Variants in CHD6 observed in about 807,000 individuals in gnomAD.
CHD6 encodes the protein chromodomain helicase DNA binding protein 6.
A neutral mutation model predicts 276.9 loss-of-function variants in CHD6; 50 were observed. The observed-to-expected ratio is 0.18, with a 90% CI of 0.14 to 0.23. The LOEUF (loss-of-function observed/expected upper bound fraction) is 0.23, where lower values mean the gene tolerates loss of function less well. Ranked by LOEUF, CHD6 falls within the 10% of genes least tolerant of loss-of-function variation. The pLI is 1.00. For missense variants in CHD6, 2,564 were observed against 3,365.8 expected, an observed-to-expected ratio of 0.76 and a Z score of 5.89; for synonymous variants, 1,173 against 1,229.3, an observed-to-expected ratio of 0.95 and a Z score of 0.96.
chr20:41,571,169 T>C (rs970984816), intron 1 of CHD6, among the ~76,000 whole-genome samples: 19 of 151,988 alleles, frequency 1.3e-4, no homozygotes, highest in Non-Finnish European at 7.4e-5. Flanking sequence ...GGATATATCA[T>C]GACAAAGATA....
In CHD6 at chr20:41,446,075, T is replaced by C. The variant is rs183819266; in HGVS notation, c.3774-307A>G. Among the ~76,000 whole-genome samples the C allele has an allele frequency of 9.5e-4, 145 of 152,348 alleles. 1 individual carries two copies. Among genetic ancestry groups the C allele is most frequent in the Non-Finnish European group, 1.7e-3 (119 of 68,026 alleles). On this transcript the variant is annotated intron_variant, in intron 24 of 36. Transcript: ENST00000373233. ...CTTGGGATCCATATGTATAGAGTTC[T>C]AATGTGCACCTTATGTGAACCACAG...
At chr20:41,425,724 T>A (rs1217558647) in intron 28 of CHD6, among the ~76,000 whole-genome samples, 1 of 151,720 alleles carries the variant, frequency 6.6e-6, no homozygotes, top group East Asian at 1.9e-4. Context: ...AAAGCTCCTC[T>A]CACGTCTGAA....
chr20:41,429,212 T>C (rs2145522546), intron 27 of CHD6, among the ~76,000 whole-genome samples: 1 of 152,360 alleles, frequency 6.6e-6, no homozygotes, highest in Non-Finnish European at 1.5e-5. Flanking sequence ...TGTTAAAAGA[T>C]GTGTTACTCT....
intron 26 of CHD6, among the ~76,000 whole-genome samples, chr20:41,439,098 C>T (rs2047813790): frequency 1.3e-5 from 2 of 152,284 alleles, no homozygotes; most frequent in South Asian, 4.2e-4. Flanking sequence ...TGGCTCACGC[C>T]TGTAATCCCA....
intron 1 of CHD6, among the ~76,000 whole-genome samples, chr20:41,571,725 T>A (rs1451566933): frequency 6.6e-6 from 1 of 152,148 alleles, no homozygotes; most frequent in Non-Finnish European, 1.5e-5. Flanking sequence ...TGAGATACCC[T>A]GGATTATATT....
intron 16 of CHD6, among the ~76,000 whole-genome samples, chr20:41,477,011 A>G (rs1288011426): frequency 1.3e-5 from 2 of 152,000 alleles, no homozygotes; most frequent in Non-Finnish European, 2.9e-5. Flanking sequence ...CCAAGGCGGG[A>G]GGATGACTTG....
Position 41,582,124 on chromosome 20 carries a change from C to T in CHD6, c.-23-30764G>A, listed in dbSNP as rs77596928. ...ACTAAAAATCATTAAATAATCTCAA[C>T]TCAATTCAATTACTTAAAAAAAAAA... On this transcript the variant is annotated intron_variant, in intron 1 of 36. Transcript: ENST00000373233. Among the ~76,000 whole-genome samples, 48 of 152,106 alleles carry T rather than the reference C, an allele frequency of 3.2e-4. No homozygotes were observed. In the East Asian group the frequency reaches 9.3e-3, roughly 29 times the overall value.
At chr20:41,550,813 A>C (rs1269612409) in intron 2 of CHD6, among the ~76,000 whole-genome samples, 1 of 152,112 alleles carries the variant, frequency 6.6e-6, no homozygotes, top group Non-Finnish European at 1.5e-5. Context: ...TCTCCATCCC[A>C]CACGCCCTTC....
intron 28 of CHD6, 76 bp from the exon 29 acceptor site, chr20:41,425,470 A>C: frequency 1.5e-6 from 2 of 1,359,868 alleles, no homozygotes; most frequent in Non-Finnish European, 2.0e-6. Context: ...GTTTTGTTTA[A>C]ATAAAAACAA....
intron 3 of CHD6, among the ~76,000 whole-genome samples, chr20:41,525,369 A>T (rs1192290356): frequency 6.6e-6 from 1 of 152,160 alleles, no homozygotes; most frequent in Non-Finnish European, 1.5e-5. Context: ...TCCCTTAATC[A>T]GCCACCTCCG....
At chr20:41,555,217 G>T (rs1180532675) in intron 1 of CHD6, among the ~76,000 whole-genome samples, 1 of 134,958 alleles carries the variant, frequency 7.4e-6, no homozygotes, top group South Asian at 2.4e-4. Context: ...CGGATGGGGC[G>T]GCTGGCCGGG....
chr20:41,598,901 G>C (rs937191582), intron 1 of CHD6, among the ~76,000 whole-genome samples: 1 of 152,124 alleles, frequency 6.6e-6, no homozygotes, highest in Admixed American at 6.5e-5. Context: ...ATCCCACCCT[G>C]GCATTTCGTC....
At chr20:41,434,333 T>C (rs2047637009) in intron 27 of CHD6, among the ~76,000 whole-genome samples, 1 of 152,210 alleles carries the variant, frequency 6.6e-6, no homozygotes, top group Admixed American at 6.5e-5. Context: ...AGACATTATA[T>C]AGTGATAACA....
Position 41,454,775 on chromosome 20 carries a change from A to G in CHD6, c.3010-39T>C, listed in dbSNP as rs192555690. On this transcript the variant is annotated intron_variant, in intron 19 of 36. Transcript: ENST00000373233. ...AAGAATTAATAAACTGTGCTTGAACACAATACAAACTAATAAAACACCAGT... is the reference window on the plus strand; with the variant it reads ...AAGAATTAATAAACTGTGCTTGAACGCAATACAAACTAATAAAACACCAGT... The G allele has an allele frequency of 1.7e-5, 24 of 1,400,872 alleles. No individual in the cohort carries two copies. The Admixed American group carries it at 4.1e-4, about 24-fold the overall frequency. The allele number at this position is 1,400,872 out of a possible 1,614,324, so 86.8% of individuals were successfully genotyped here.
chr20:41,561,967 A>C (rs2146187040), intron 1 of CHD6, among the ~76,000 whole-genome samples: 1 of 152,282 alleles, frequency 6.6e-6, no homozygotes, highest in South Asian at 2.1e-4. Context: ...GGAAACTGTC[A>C]GATTTTTCAG....
In CHD6 at chr20:41,575,763, G is replaced by A. The variant is rs1461181410; in HGVS notation, c.-23-24403C>T. ...TTCATTGTATGGTTTGTCCCTCCGA[G>A]GAGCTGGTCACCTCACTCAACAACC... is the stretch of plus-strand genomic sequence containing the variant. On this transcript the variant is annotated intron_variant, in intron 1 of 36. Transcript: ENST00000373233. 3.3e-5 allele frequency among the ~76,000 whole-genome samples: 5 copies of A among 152,110 alleles called. No homozygotes were observed. In the East Asian group the frequency reaches 7.7e-4, roughly 23 times the overall value.
chr20:41,614,861 ACTC>A (rs2045920692), intron 1 of CHD6: 1 of 152,126 alleles, frequency 6.6e-6, no homozygotes, highest in Non-Finnish European at 1.5e-5. Flanking sequence ...GTACACCTGA[ACTC>A]CTAAGTGCCC....
intron 1 of CHD6, among the ~76,000 whole-genome samples, chr20:41,569,045 A>G (rs2045388586): frequency 6.6e-6 from 1 of 152,220 alleles, no homozygotes; most frequent in African/African-American, 2.4e-5. Flanking sequence ...AGGTAAACAC[A>G]AAACTAGTCT....
chr20:41,485,621 T>A (rs1224918779), intron 14 of CHD6: 1 of 152,050 alleles, frequency 6.6e-6, no homozygotes, highest in African/African-American at 2.4e-5. Context: ...CCAGAACGTT[T>A]ATTTACTGTG....
Sources: gnomAD v4.1 joint callset for allele counts (sites outside exome capture counted in the v4.1 genomes callset) on GRCh38, gnomAD v4.1.1 for gene constraint, MANE v1.5 for transcripts, NCBI Gene and HGNC (gene_info 2026-07-23, HGNC 2026-07-21) for gene names.